HCN2: variants seen among roughly 807,000 people sequenced by gnomAD.
HCN2 encodes the protein hyperpolarization activated cyclic nucleotide gated potassium and sodium channel 2, also known as potassium/sodium hyperpolarization-activated cyclic nucleotide-gated channel 2.
A neutral mutation model predicts 52.3 loss-of-function variants in HCN2; 20 were observed. That is an observed-to-expected ratio of 0.38 (90% CI 0.27 to 0.56). HCN2 has a LOEUF of 0.56. HCN2 is among the 20% of genes least tolerant of loss of function. The pLI, the probability that HCN2 is intolerant of heterozygous loss-of-function variation, is 0.71. For missense variants in HCN2, 981 were observed against 1,207.7 expected (o/e 0.81, Z 2.78); for synonymous variants, 694 against 537.0 (o/e 1.29, Z -4.04).
chr19:615,949 G>A lies in HCN2; in HGVS notation c.2145G>A (p.Pro715=), dbSNP rs777541248. The change falls in exon 8 of 8, where the codon CCG becomes CCA. Residue 715 remains proline, a synonymous_variant. Transcript: ENST00000251287. Reference sequence around the variant, plus strand: ...TGGGTCAGCGCGTGGGCCTCTTCCCGCCGCCGCCGCCGCCGCCGCAGGTCA... The same window carrying A: ...TGGGTCAGCGCGTGGGCCTCTTCCCACCGCCGCCGCCGCCGCCGCAGGTCA... ...AELGQRVGLF[P]PPPPPPQVTS... is the part of the protein sequence containing the mutation. 100 of 1,485,938 alleles carry A rather than the reference G, an allele frequency of 6.7e-5. No individual in the cohort carries two copies. Among genetic ancestry groups the A allele is most frequent in the Non-Finnish European group, 8.5e-5 (94 of 1,101,508 alleles). The allele number at this position is 1,485,938 out of a possible 1,614,324, so 92.0% of individuals were successfully genotyped here.
Position 590,091 on chromosome 19 carries a change from C to T in HCN2, c.146C>T (p.Pro49Leu). Residue 49 changes from proline to leucine, a missense_variant, in exon 1 of 8, where the codon CCC (proline) becomes CTC (leucine). By Grantham distance (98) the Pro-to-Leu change is moderately conservative (BLOSUM62 -3). This residue lies in a region of HCN2 where 215 missense variants were observed against 179.4 expected (regional missense o/e 1.20). Coordinates refer to ENST00000251287, the MANE Select transcript of HCN2 (RefSeq NM_001194.4). This position sits in a 1 kb window ranked among gnomAD's most constrained non-coding sequence, Gnocchi z 7.2. ...CCCGCGCCCCCCCCGGGCCCCGGGC[C>T]CGCGCCCCCCCAGCACCCGCCCCGG... ...PPPAPPPGPG[P>L]APPQHPPRAE... 2.8e-6 allele frequency: 2 copies of T among 717,194 alleles called. No homozygotes were observed. Among genetic ancestry groups the T allele is most frequent in the Non-Finnish European group, 3.4e-6 (2 of 591,552 alleles). 44.4% of individuals were successfully genotyped at this position (717,194 alleles called of 1,614,324 possible).
chr19:609,216 C>T (rs1436526121), intron 4 of HCN2, among the ~76,000 whole-genome samples: 8 of 152,254 alleles, frequency 5.3e-5, no homozygotes, highest in South Asian at 2.1e-4. Context: ...CAGCTGCGGC[C>T]GGGCGGGGCT....
intron 1 of HCN2, among the ~76,000 whole-genome samples, chr19:601,240 G>C (rs146730637): frequency 0.011 from 1,696 of 152,338 alleles, 29 homozygotes; most frequent in African/African-American, 0.033. Context: ...TTGAACTTGG[G>C]AGGCGGAGGT....
chr19:598,137 G>A (rs1269170691), intron 1 of HCN2, among the ~76,000 whole-genome samples: 3 of 152,216 alleles, frequency 2.0e-5, no homozygotes, highest in Admixed American at 6.5e-5. Flanking sequence ...CCCACTCGGT[G>A]CTGGGGCCCT....
In HCN2 at chr19:599,507, C is replaced by T. The variant is rs547894844; in HGVS notation, c.633-4037C>T. Among the ~76,000 whole-genome samples the T allele has an allele frequency of 1.1e-3, 170 of 151,982 alleles. 1 individual carries two copies. The highest frequency in any genetic ancestry group is 1.9e-3 in the East Asian group (10 of 5,156). ...TAAGGCCTCAAGAATTGGCCGGGCGCGGTGGCTCACGCCTGTAATCCCAGC... is the reference window on the plus strand; with the variant it reads ...TAAGGCCTCAAGAATTGGCCGGGCGTGGTGGCTCACGCCTGTAATCCCAGC... On this transcript the variant is annotated intron_variant, in intron 1 of 7. Coordinates refer to ENST00000251287, the MANE Select transcript of HCN2 (RefSeq NM_001194.4).
rs1280970961 is a variant in HCN2 at position 613,836 on chromosome 19, T to C, written c.1826-16T>C. On this transcript the variant is annotated splice_polypyrimidine_tract_variant and intron_variant, in intron 6 of 7. Coordinates refer to ENST00000251287, the MANE Select transcript of HCN2 (RefSeq NM_001194.4). ...CCCGCCTCGTCCAGCAACCCCCCCC[T>C]GCGCGCCACGTGCAGAGATCTGCCT... 2.0e-6 allele frequency: 3 copies of C among 1,532,430 alleles called. No homozygotes were observed. Among genetic ancestry groups the C allele is most frequent in the Middle Eastern group, 2.3e-4 (1 of 4,264 alleles). The allele number at this position is 1,532,430 out of a possible 1,614,324, so 94.9% of individuals were successfully genotyped here.
chr19:599,052 G>T (rs1983120490), intron 1 of HCN2, among the ~76,000 whole-genome samples: 1 of 152,374 alleles, frequency 6.6e-6, no homozygotes, highest in South Asian at 2.1e-4. Context: ...CTTGTCCAAG[G>T]TCACTGTGCC....
rs1982965397 is a variant in HCN2, at chr19:594,505, TC to T, written c.632+3932del. Among the ~76,000 whole-genome samples, 3 of 152,144 alleles carry T rather than the reference TC, an allele frequency of 2.0e-5. No individual in the cohort carries two copies. The South Asian group carries it at 6.2e-4, about 31-fold the overall frequency. On this transcript the variant is annotated intron_variant, in intron 1 of 7. Transcript: ENST00000251287. ...CTCCCCAAAGCCAGGATCTGTTATG[TC>T]CCCTGGGGTCCCCGAGAGGACTGGT...
At chr19:612,857 C>A (rs112364585) in intron 5 of HCN2, among the ~76,000 whole-genome samples, 1 of 61,970 alleles carries the variant, frequency 1.6e-5, no homozygotes, top group African/African-American at 6.4e-5. Context: ...TTTTTTTTTT[C>A]CGGTAGAGAC....
chr19:612,827 C>CACCA (rs1429928834), intron 5 of HCN2, among the ~76,000 whole-genome samples: 3 of 144,630 alleles, frequency 2.1e-5, no homozygotes, highest in African/African-American at 8.1e-5. Context: ...CGACTTCCTG[C>CACCA]ACCACCACGC....
intron 1 of HCN2, among the ~76,000 whole-genome samples, chr19:599,661 G>A (rs1481117791): frequency 4.0e-5 from 6 of 151,890 alleles, no homozygotes; most frequent in Admixed American, 2.0e-4. Flanking sequence ...GGTGGCGGGC[G>A]CCTATAGTCC....
At position 603,974 on chromosome 19, in the gene HCN2, TGGGGCG is replaced by T. The variant is rs781035673; in HGVS notation, c.1056+17_1056+22del. 9 of 626,330 alleles carry T rather than the reference TGGGGCG, an allele frequency of 1.4e-5. No individual in the cohort carries two copies. In the African/African-American group the frequency reaches 1.6e-4, roughly 11 times the overall value. The allele number at this position is 626,330 out of a possible 1,614,324, so 38.8% of individuals were successfully genotyped here. Reference sequence around the variant, plus strand: ...CATCCATCAGTGGGAGGAGGTGAGGTGGGGCGGGGGCGGGGCCAAGGCAGCAGGGGC... The same window carrying T: ...CATCCATCAGTGGGAGGAGGTGAGGTGGGGCGGGGCCAAGGCAGCAGGGGC... On this transcript the variant is annotated splice_region_variant and intron_variant, in intron 2 of 7. Coordinates refer to ENST00000251287, the MANE Select transcript of HCN2 (RefSeq NM_001194.4).
At chr19:595,272 G>A (rs1170562494) in intron 1 of HCN2, among the ~76,000 whole-genome samples, 5 of 141,630 alleles carry the variant, frequency 3.5e-5, no homozygotes, top group East Asian at 2.1e-4. Context: ...CACTTGGGCC[G>A]GGCCCTGCCT....
intron 5 of HCN2, among the ~76,000 whole-genome samples, chr19:612,738 T>C (rs554666168): frequency 2.0e-5 from 3 of 151,330 alleles, no homozygotes; most frequent in South Asian, 4.2e-4. Flanking sequence ...ATTTTCTTTT[T>C]TTTTTTTTTT....
intron 5 of HCN2, among the ~76,000 whole-genome samples, chr19:612,411 T>TGA (rs1417160897): frequency 1.6e-5 from 2 of 127,710 alleles, no homozygotes; most frequent in Non-Finnish European, 3.6e-5. Flanking sequence ...TGTGTGTGTG[T>TGA]GTGTGTGTGT....
Position 590,585 on chromosome 19 carries a change from C to T in HCN2, c.632+8C>T. On this transcript the variant is annotated splice_region_variant and intron_variant, in intron 1 of 7. Coordinates refer to ENST00000251287, the MANE Select transcript of HCN2 (RefSeq NM_001194.4). This position sits in a 1 kb window ranked among gnomAD's most constrained non-coding sequence, Gnocchi z 7.2. ...CCCGTACAGCGACTTCAGGTACCGC[C>T]TCCGGGAGGGCCGGTCGGCGCGAGG... 1 of 1,405,312 alleles carries T rather than the reference C, an allele frequency of 7.1e-7. No homozygotes were observed. The highest frequency in any genetic ancestry group is 1.6e-5 in the South Asian group (1 of 63,060). The allele number at this position is 1,405,312 out of a possible 1,614,324, so 87.1% of individuals were successfully genotyped here.
chr19:607,337 C>A (rs952051519), intron 3 of HCN2, among the ~76,000 whole-genome samples: 1 of 152,250 alleles, frequency 6.6e-6, no homozygotes, highest in Non-Finnish European at 1.5e-5. Context: ...GCCCCAGCGT[C>A]CAGCCACATA....
In HCN2 at chr19:603,985, C is replaced by CG. The variant is rs564226585; in HGVS notation, c.1056+22dup. ...GGGAGGAGGTGAGGTGGGGCGGGGG[C>CG]GGGGCCAAGGCAGCAGGGGCGGGGC... On this transcript the variant is annotated intron_variant, in intron 2 of 7. Coordinates refer to ENST00000251287, the MANE Select transcript of HCN2 (RefSeq NM_001194.4). 45 of 605,680 alleles carry CG rather than the reference C, an allele frequency of 7.4e-5. No individual in the cohort carries two copies. The African/African-American group carries it at 1.0e-3, about 14-fold the overall frequency. 37.5% of individuals were successfully genotyped at this position (605,680 alleles called of 1,614,324 possible). A position where few individuals can be genotyped will look rare whatever the true frequency, so the allele number is the denominator to read the frequency against.
At position 613,498 on chromosome 19, in the gene HCN2, A is replaced by G. The variant is rs1201754609; in HGVS notation, c.1825+10A>G. On this transcript the variant is annotated intron_variant, in intron 6 of 7. Transcript: ENST00000251287. ...GGCTCCTACTTCGGGGGTGAGCTTG[A>G]GGGGGGCGCGCCTGGAGGGGGAGGG... The G allele has an allele frequency of 7.6e-6, 8 of 1,057,530 alleles. No homozygotes were observed. Among genetic ancestry groups the G allele is most frequent in the Non-Finnish European group, 9.8e-6 (8 of 813,788 alleles). 65.5% of individuals were successfully genotyped at this position (1,057,530 alleles called of 1,614,324 possible).
Sources: allele counts gnomAD v4.1 joint callset (sites outside exome capture counted in the v4.1 genomes callset), GRCh38; gene constraint gnomAD v4.1.1; regional missense constraint gnomAD v4.1.1; non-coding constraint Gnocchi (gnomAD v3.1); transcripts MANE v1.5; gene names NCBI Gene and HGNC (gene_info 2026-07-23, HGNC 2026-07-21).